The following FCRL4 variants were observed in gnomAD, a reference collection of about 807,000 sequenced individuals.
FCRL4 encodes the protein Fc receptor like 4.
A neutral mutation model predicts 64.1 loss-of-function variants in FCRL4; 43 were observed. The ratio of observed to expected loss-of-function variants is 0.67; its 90% CI spans 0.53 to 0.87. FCRL4 has a LOEUF of 0.87. Among genes scored for constraint, FCRL4 ranks in the 40% least tolerant of loss-of-function variants. The pLI is 0.00. For synonymous variants in FCRL4, 253 were observed against 239.8 expected (o/e 1.05, Z -0.51); for missense variants, 656 against 613.5 (o/e 1.07, Z -0.73).
chr1:157,589,420 A>G lies in FCRL4; in HGVS notation c.91T>C (p.Trp31Arg). Residue 31 changes from tryptophan (W) to arginine (R), a missense_variant, in exon 3 of 12, where the codon TGG (tryptophan) becomes CGG (arginine). Trp to Arg is a moderately radical substitution (Grantham distance 101, BLOSUM62 -3). Coordinates refer to ENST00000271532, the MANE Select transcript of FCRL4 (RefSeq NM_031282.3). ...CTCTCTCCTTTGAAGAATGTGGTCC[A>G]TGGAGGATGGACGGAAATCACAGGT... is the stretch of plus-strand genomic sequence containing the variant. ...HKPVISVHPP[W>R]TTFFKGERVT... 1.2e-6 allele frequency: 2 copies of G among 1,614,190 alleles called. No homozygotes were observed. Among genetic ancestry groups the G allele is most frequent in the Non-Finnish European group, 8.5e-7 (1 of 1,180,024 alleles).
intron 6 of FCRL4, among the ~76,000 whole-genome samples, chr1:157,584,627 G>T (rs1233572531): frequency 6.6e-6 from 1 of 152,110 alleles, no homozygotes; most frequent in Non-Finnish European, 1.5e-5. Flanking sequence ...AGACTGAGAT[G>T]CAGATTGCTG....
chr1:157,578,591 C>G, intron 9 of FCRL4, 49 bp from the exon 10 acceptor site: 1 of 1,483,758 alleles, frequency 6.7e-7, no homozygotes, highest in Non-Finnish European at 9.4e-7. Context: ...TATTAAAGTG[C>G]TACAGATGCC....
intron 8 of FCRL4, among the ~76,000 whole-genome samples, chr1:157,579,394 A>C (rs567971963): frequency 6.7e-6 from 1 of 150,338 alleles, no homozygotes; most frequent in Non-Finnish European, 1.5e-5. Context: ...TGGCTTCTTC[A>C]TCATCAGGAA....
chr1:157,591,203 C>T (rs1029708176), intron 2 of FCRL4, among the ~76,000 whole-genome samples: 6 of 152,198 alleles, frequency 3.9e-5, no homozygotes, highest in African/African-American at 1.2e-4. Flanking sequence ...TTACACCCGT[C>T]AGTCTTCTTT....
intron 6 of FCRL4, among the ~76,000 whole-genome samples, chr1:157,585,341 T>C (rs1249437362): frequency 2.7e-5 from 3 of 111,964 alleles, no homozygotes; most frequent in South Asian, 3.8e-4. Context: ...TTTCTTTCTC[T>C]CTCTCTTTCT....
At chr1:157,585,582 T>C (rs1167545724) in intron 6 of FCRL4, among the ~76,000 whole-genome samples, 3 of 151,986 alleles carry the variant, frequency 2.0e-5, no homozygotes, top group Non-Finnish European at 4.4e-5. Context: ...GAGCTAAACC[T>C]GTGATATCCC....
chr1:157,576,860 T>C (rs569476492), intron 10 of FCRL4, among the ~76,000 whole-genome samples: 17 of 152,384 alleles, frequency 1.1e-4, no homozygotes, highest in African/African-American at 4.1e-4. Context: ...AGACTTGGTC[T>C]TAGCTTTGTC....
At chr1:157,597,755 T>C (rs1652998756) in intron 1 of FCRL4, among the ~76,000 whole-genome samples, 159 bp downstream of exon 1, 1 of 152,256 alleles carries the variant, frequency 6.6e-6, no homozygotes, top group Admixed American at 6.5e-5. Flanking sequence ...ATTATCATTT[T>C]CCCCTTCTAC....
intron 6 of FCRL4, among the ~76,000 whole-genome samples, chr1:157,583,621 G>A (rs1013647598): frequency 3.9e-5 from 6 of 152,136 alleles, no homozygotes; most frequent in Non-Finnish European, 7.4e-5. Context: ...CAGAAAGAGA[G>A]CCCTCACAAG....
intron 7 of FCRL4, 66 bp downstream of exon 7, chr1:157,581,465 C>T (rs1571136878): frequency 7.3e-7 from 1 of 1,371,972 alleles, no homozygotes; most frequent in Non-Finnish European, 1.0e-6. Context: ...GCCACTAAGG[C>T]TGTCTGCATG....
rs1193369212 is a variant in FCRL4, at chr1:157,587,450, G to T, written c.673C>A (p.Leu225Ile). ...QLPPERSDTP[L>I]HFNFFRDGEV... Reference sequence around the variant, plus strand: ...CCATCTCTGAAGAAGTTGAAGTGAAGTGGGGTGTCTGACCGCTCTGGAGGA... The same window carrying T: ...CCATCTCTGAAGAAGTTGAAGTGAATTGGGGTGTCTGACCGCTCTGGAGGA... Residue 225 changes from leucine to isoleucine, a missense_variant, in exon 5 of 12, where the codon CTT (leucine) becomes ATT (isoleucine). Coordinates refer to ENST00000271532, the MANE Select transcript of FCRL4 (RefSeq NM_031282.3). 10 of 1,614,250 alleles carry T rather than the reference G, an allele frequency of 6.2e-6. No individual in the cohort carries two copies. The highest frequency in any genetic ancestry group is 8.5e-6 in the Non-Finnish European group (10 of 1,180,034).
chr1:157,577,225 C>T (rs1025098862), intron 10 of FCRL4, among the ~76,000 whole-genome samples: 3 of 152,166 alleles, frequency 2.0e-5, no homozygotes, highest in Non-Finnish European at 2.9e-5. Flanking sequence ...AAGGAGATCT[C>T]AGAAATTCCT....
chr1:157,593,025 G>A (rs939146693), intron 2 of FCRL4, among the ~76,000 whole-genome samples: 1 of 152,168 alleles, frequency 6.6e-6, no homozygotes, highest in African/African-American at 2.4e-5. Context: ...TTGTAGGTGG[G>A]AATTGAACAA....
chr1:157,576,223 G>T (rs1311880976), intron 10 of FCRL4, among the ~76,000 whole-genome samples: 2 of 152,164 alleles, frequency 1.3e-5, no homozygotes, highest in Non-Finnish European at 2.9e-5. Flanking sequence ...TAGCAGATGT[G>T]ATTTGGTGAA....
intron 2 of FCRL4, among the ~76,000 whole-genome samples, chr1:157,590,882 C>A (rs577307309): frequency 7.9e-5 from 12 of 152,054 alleles, no homozygotes; most frequent in Non-Finnish European, 2.9e-5. Context: ...TCAAGAGAAC[C>A]TTTTTCCTTG....
intron 6 of FCRL4, among the ~76,000 whole-genome samples, chr1:157,583,378 G>A (rs1204750281): frequency 6.6e-6 from 1 of 152,104 alleles, no homozygotes; most frequent in Non-Finnish European, 1.5e-5. Context: ...CTCAGTCCAT[G>A]CTATGGATTG....
Position 157,587,260 on chromosome 1 carries a change from G to C in FCRL4, c.847+16C>G. On this transcript the variant is annotated intron_variant, in intron 5 of 11. Coordinates refer to ENST00000271532, the MANE Select transcript of FCRL4 (RefSeq NM_031282.3). ...CAGAGAGAGGCAGGGAAGATGCCTG[G>C]CTCTCCAACACTCACGCTGCACATG... The C allele has an allele frequency of 6.2e-7, 1 of 1,608,602 alleles. No individual in the cohort carries two copies. Among genetic ancestry groups the C allele is most frequent in the Non-Finnish European group, 8.5e-7 (1 of 1,175,964 alleles).
chr1:157,595,962 A>G (rs2101689471), intron 2 of FCRL4, among the ~76,000 whole-genome samples: 1 of 152,342 alleles, frequency 6.6e-6, no homozygotes, highest in Admixed American at 6.5e-5. Context: ...CTGGAGCCCC[A>G]GCCTCCCCCT....
chr1:157,587,661 C>G (rs961396779), intron 4 of FCRL4, 101 bp from the exon 5 acceptor site: 2 of 1,316,740 alleles, frequency 1.5e-6, no homozygotes, highest in African/African-American at 1.5e-5. Context: ...AGACACACAG[C>G]AAGACAAACT....
Sources: gnomAD v4.1 joint callset for allele counts (sites outside exome capture counted in the v4.1 genomes callset) on GRCh38, gnomAD v4.1.1 for gene constraint, MANE v1.5 for transcripts, NCBI Gene and HGNC (gene_info 2026-07-23, HGNC 2026-07-21) for gene names.